CACNA2D3: variants seen among roughly 807,000 people sequenced by gnomAD.
The protein encoded by CACNA2D3 is voltage-dependent calcium channel subunit alpha-2/delta-3.
A neutral mutation model predicts 160.6 loss-of-function variants in CACNA2D3; 60 were observed. The observed-to-expected ratio is 0.37, with a 90% CI of 0.30 to 0.46. CACNA2D3 has a LOEUF of 0.46. Among genes scored for constraint, CACNA2D3 ranks in the 20% least tolerant of loss-of-function variants. CACNA2D3 has a pLI of 1.00. For missense variants in CACNA2D3, 1,205 were observed against 1,365.0 expected (o/e 0.88, Z 1.85); for synonymous variants, 558 against 492.9 (o/e 1.13, Z -1.75).
intron 4 of CACNA2D3, among the ~76,000 whole-genome samples, chr3:54,460,183 A>G (rs1223965309): frequency 6.6e-6 from 1 of 151,826 alleles, no homozygotes; most frequent in African/African-American, 2.4e-5. Context: ...GTAGCCTTGT[A>G]GTATAGTTTG....
At chr3:54,969,902 C>A in intron 29 of CACNA2D3, 58 bp downstream of exon 29, 1 of 1,479,146 alleles carries the variant, frequency 6.8e-7, no homozygotes, top group Non-Finnish European at 9.4e-7. Context: ...ACAGATGGTG[C>A]TTTATGACCG....
intron 27 of CACNA2D3, among the ~76,000 whole-genome samples, chr3:54,920,133 G>A (rs1559629649): frequency 6.6e-6 from 1 of 152,230 alleles, no homozygotes; most frequent in Non-Finnish European, 1.5e-5. Flanking sequence ...CACACAGTAA[G>A]TGAATTAGGA....
At chr3:54,532,495 C>T (rs528739377) in intron 5 of CACNA2D3, among the ~76,000 whole-genome samples, 2 of 152,302 alleles carry the variant, frequency 1.3e-5, no homozygotes, top group Admixed American at 6.5e-5. Flanking sequence ...TTATTTCATT[C>T]TCTATGTCCA....
At chr3:54,165,981 A>C (rs1441158949) in intron 2 of CACNA2D3, among the ~76,000 whole-genome samples, 1 of 152,182 alleles carries the variant, frequency 6.6e-6, no homozygotes, top group African/African-American at 2.4e-5. Context: ...ATCCAGAGAA[A>C]GGAGTCACAA....
intron 2 of CACNA2D3, among the ~76,000 whole-genome samples, chr3:54,201,858 C>G (rs1576995250): frequency 6.6e-6 from 1 of 152,152 alleles, no homozygotes; most frequent in South Asian, 2.1e-4. Context: ...CAATTCCTGA[C>G]CCCTTGACCA....
chr3:54,604,317 A>G (rs1703118917), intron 9 of CACNA2D3, among the ~76,000 whole-genome samples: 1 of 152,206 alleles, frequency 6.6e-6, no homozygotes, highest in Admixed American at 6.5e-5. Flanking sequence ...GTGGAAGAAG[A>G]CAGATAATAA....
intron 13 of CACNA2D3, among the ~76,000 whole-genome samples, chr3:54,803,984 C>A (rs1192226047): frequency 3.9e-5 from 6 of 152,050 alleles, no homozygotes; most frequent in East Asian, 3.9e-4. Context: ...GAAATAAAAT[C>A]CTTTACAGAC....
At chr3:54,219,246 G>A (rs1449053805) in intron 2 of CACNA2D3, among the ~76,000 whole-genome samples, 2 of 152,190 alleles carry the variant, frequency 1.3e-5, no homozygotes, top group Non-Finnish European at 2.9e-5. Context: ...CATGTTGGTA[G>A]CTTGAAGGTG....
chr3:54,511,029 C>G (rs1051237501), intron 5 of CACNA2D3, among the ~76,000 whole-genome samples: 24 of 152,186 alleles, frequency 1.6e-4, no homozygotes, highest in African/African-American at 5.8e-4. Context: ...TCCTGGCTAC[C>G]CCATTCCCCC....
chr3:54,931,297 A>G (rs547055672), intron 27 of CACNA2D3, among the ~76,000 whole-genome samples: 3 of 152,102 alleles, frequency 2.0e-5, no homozygotes, highest in Non-Finnish European at 2.9e-5. Context: ...GCTGACCCCA[A>G]TTGGGGGTTA....
intron 34 of CACNA2D3, among the ~76,000 whole-genome samples, chr3:55,017,954 G>A (rs559329700): frequency 6.6e-6 from 1 of 152,300 alleles, no homozygotes; most frequent in South Asian, 2.1e-4. Context: ...TGTTGTCCCA[G>A]AAAGTAGAAT....
chr3:55,063,667 C>A (rs1257525026), intron 35 of CACNA2D3, among the ~76,000 whole-genome samples: 1 of 152,152 alleles, frequency 6.6e-6, no homozygotes, highest in South Asian at 2.1e-4. Context: ...ACACGTCAGG[C>A]TGGAGAGAGA....
chr3:54,211,757 A>G (rs376188930), intron 2 of CACNA2D3, among the ~76,000 whole-genome samples: 4 of 152,334 alleles, frequency 2.6e-5, no homozygotes, highest in South Asian at 2.1e-4. Context: ...GTAAACATCT[A>G]TGAATTAATG....
At chr3:54,526,149 C>A (rs999500813) in intron 5 of CACNA2D3, among the ~76,000 whole-genome samples, 3 of 151,844 alleles carry the variant, frequency 2.0e-5, no homozygotes, top group Non-Finnish European at 2.9e-5. Flanking sequence ...GTTTTTAAGC[C>A]CAGAATTTCC....
intron 35 of CACNA2D3, among the ~76,000 whole-genome samples, chr3:55,037,988 T>C (rs1342046438): frequency 6.6e-6 from 1 of 152,244 alleles, no homozygotes; most frequent in African/African-American, 2.4e-5. Context: ...TGAGATGTAG[T>C]TGTATAACCT....
At chr3:55,022,037 C>T (rs974889392) in intron 35 of CACNA2D3, among the ~76,000 whole-genome samples, 26 of 152,152 alleles carry the variant, frequency 1.7e-4, no homozygotes, top group African/African-American at 6.0e-4. Flanking sequence ...TTCAAACCTA[C>T]CTTTATTTTC....
intron 4 of CACNA2D3, among the ~76,000 whole-genome samples, chr3:54,443,227 A>G (rs1222662218): frequency 1.3e-5 from 2 of 152,126 alleles, no homozygotes; most frequent in Non-Finnish European, 2.9e-5. Flanking sequence ...ATATGCCAGA[A>G]GCAGCCTCTG....
chr3:54,294,633 A>C (rs770112019), intron 2 of CACNA2D3, among the ~76,000 whole-genome samples: 2 of 152,208 alleles, frequency 1.3e-5, no homozygotes, highest in African/African-American at 4.8e-5. Context: ...AACAACACAC[A>C]TGTGAGTTTC....
intron 23 of CACNA2D3, 38 bp downstream of exon 23, chr3:54,885,624 G>C (rs764284460): frequency 1.3e-6 from 2 of 1,503,728 alleles, no homozygotes; most frequent in Non-Finnish European, 1.8e-6. Context: ...GCCTTCAGGG[G>C]TGATGGTGGG....
Sources: gnomAD v4.1 joint callset for allele counts (sites outside exome capture counted in the v4.1 genomes callset) on GRCh38, gnomAD v4.1.1 for gene constraint, MANE v1.5 for transcripts, NCBI Gene and HGNC (gene_info 2026-07-23, HGNC 2026-07-21) for gene names.